GRIA4: variants seen among roughly 807,000 people sequenced by gnomAD.
GRIA4 encodes glutamate ionotropic receptor AMPA type subunit 4.
A neutral mutation model predicts 104.0 loss-of-function variants in GRIA4; 34 were observed. The ratio of observed to expected loss-of-function variants is 0.33; its 90% confidence interval spans 0.25 to 0.44. The LOEUF is 0.44. Among genes scored for constraint, GRIA4 ranks in the 20% least tolerant of loss-of-function variants. The probability of loss-of-function intolerance (pLI) is 1.00; values close to 1 mark genes in which losing one functional copy is unlikely to be tolerated. For synonymous variants in GRIA4, 386 were observed against 381.9 expected, an observed-to-expected ratio of 1.01 and a Z score of -0.13; for missense variants, 750 against 1,096.5, an observed-to-expected ratio of 0.68 and a Z score of 4.46.
intron 3 of GRIA4, among the ~76,000 whole-genome samples, chr11:105,676,511 T>C (rs1952541870): frequency 1.4e-4 from 2 of 14,404 alleles, no homozygotes; most frequent in African/African-American, 2.6e-4. Flanking sequence ...ATCTTATATG[T>C]TAAAAATTAT....
chr11:105,706,093 A>G (rs1953688405), intron 3 of GRIA4, among the ~76,000 whole-genome samples: 1 of 152,230 alleles, frequency 6.6e-6, no homozygotes, highest in African/African-American at 2.4e-5. Flanking sequence ...ATAAACTAAT[A>G]CAGAGTAATA....
chr11:105,954,907 A>C, intron 14 of GRIA4, among the ~76,000 whole-genome samples: 1 of 58,496 alleles, frequency 1.7e-5, no homozygotes, highest in East Asian at 5.1e-4. Context: ...TATTGCTTTC[A>C]ATTTATATAT....
At chr11:105,788,430 A>T (rs1942069291) in intron 4 of GRIA4, among the ~76,000 whole-genome samples, 1 of 152,178 alleles carries the variant, frequency 6.6e-6, no homozygotes, top group Non-Finnish European at 1.5e-5. Context: ...TATTAATAAG[A>T]CAGCTGCAAC....
chr11:105,878,895 G>A (rs1945940182), intron 5 of GRIA4, among the ~76,000 whole-genome samples: 1 of 152,178 alleles, frequency 6.6e-6, no homozygotes, highest in Non-Finnish European at 1.5e-5. Context: ...TTCCAGAGGA[G>A]TAAATGGTTC....
intron 3 of GRIA4, among the ~76,000 whole-genome samples, chr11:105,727,899 C>T (rs919239224): frequency 6.6e-6 from 1 of 152,124 alleles, no homozygotes; most frequent in Non-Finnish European, 1.5e-5. Flanking sequence ...AAAGGAAAAA[C>T]CAGTACCAGC....
At chr11:105,794,473 GTA>G (rs71041629) in intron 4 of GRIA4, among the ~76,000 whole-genome samples, 3,748 of 43,836 alleles carry the variant, frequency 0.086, 127 homozygotes, top group South Asian at 0.13. Context: ...GTATATGTAT[GTA>G]TATATATATA....
intron 16 of GRIA4, among the ~76,000 whole-genome samples, chr11:105,978,781 G>A (rs1259675887): frequency 1.3e-5 from 2 of 152,248 alleles, no homozygotes; most frequent in Admixed American, 1.3e-4. Flanking sequence ...TGAATGAACA[G>A]TAATGAGACT....
chr11:105,708,789 C>A (rs1953801947), intron 3 of GRIA4, among the ~76,000 whole-genome samples: 1 of 151,730 alleles, frequency 6.6e-6, no homozygotes, highest in Non-Finnish European at 1.5e-5. Context: ...AATAAGCACT[C>A]CTGTGTTGGG....
At chr11:105,756,592 T>A (rs1178344064) in intron 4 of GRIA4, among the ~76,000 whole-genome samples, 1 of 151,914 alleles carries the variant, frequency 6.6e-6, no homozygotes, top group Non-Finnish European at 1.5e-5. Context: ...TCTTTAATAT[T>A]TGACAGTACT....
chr11:105,690,230 C>A (rs533475501), intron 3 of GRIA4, among the ~76,000 whole-genome samples: 1 of 152,184 alleles, frequency 6.6e-6, no homozygotes, highest in Non-Finnish European at 1.5e-5. Flanking sequence ...ATTTCCATGG[C>A]AACTCTCACT....
At chr11:105,792,192 A>C in intron 4 of GRIA4, among the ~76,000 whole-genome samples, 1 of 152,188 alleles carries the variant, frequency 6.6e-6, no homozygotes, top group East Asian at 1.9e-4. Context: ...ACATAAAAGT[A>C]AACACCAGTT....
intron 3 of GRIA4, among the ~76,000 whole-genome samples, chr11:105,724,118 C>T (rs993914436): frequency 1.3e-5 from 2 of 151,988 alleles, no homozygotes; most frequent in Admixed American, 1.3e-4. Flanking sequence ...TCCCAAAGAA[C>T]TAAAACCAGA....
At chr11:105,747,721 TCAAAAC>T (rs1249448023) in intron 3 of GRIA4, among the ~76,000 whole-genome samples, 1 of 152,100 alleles carries the variant, frequency 6.6e-6, no homozygotes, top group Non-Finnish European at 1.5e-5. Flanking sequence ...GTGATATTGA[TCAAAAC>T]CAAAAAGATT....
At chr11:105,859,736 A>T (rs1945150192) in intron 4 of GRIA4, among the ~76,000 whole-genome samples, 1 of 152,180 alleles carries the variant, frequency 6.6e-6, no homozygotes, top group Admixed American at 6.6e-5. Flanking sequence ...AGCAAACAAA[A>T]AAAATCTTAG....
At chr11:105,674,587 T>G (rs1286225017) in intron 3 of GRIA4, among the ~76,000 whole-genome samples, 1 of 151,902 alleles carries the variant, frequency 6.6e-6, no homozygotes, top group Non-Finnish European at 1.5e-5. Context: ...TGACTTCCAT[T>G]TACCCGAAAA....
chr11:105,679,674 A>G (rs1425937567), intron 3 of GRIA4, among the ~76,000 whole-genome samples: 1 of 152,164 alleles, frequency 6.6e-6, no homozygotes, highest in Non-Finnish European at 1.5e-5. Flanking sequence ...GAGAATAAGA[A>G]CAGGAAAAAA....
rs663379 is a variant in GRIA4, at chr11:105,889,160, G to A, written c.726+1588G>A. Among the ~76,000 whole-genome samples the A allele has an allele frequency of 8.6e-3, 1,315 of 152,132 alleles. 21 individuals are homozygous for A. Among genetic ancestry groups the A allele is most frequent in the African/African-American group, 0.03 (1,225 of 41,488 alleles). ...TTCCAGAAATGAGTTGCTGACATTG[G>A]CAATTAAAATAAATAAATCAATACA... On this transcript the variant is annotated intron_variant, in intron 6 of 16. Transcript: ENST00000282499.
intron 4 of GRIA4, among the ~76,000 whole-genome samples, chr11:105,821,421 T>C: frequency 6.6e-6 from 1 of 152,030 alleles, no homozygotes; most frequent in Non-Finnish European, 1.5e-5. Context: ...TTCTACAGGC[T>C]GTACAGGAAG....
intron 4 of GRIA4, among the ~76,000 whole-genome samples, chr11:105,811,489 A>G (rs1034687614): frequency 6.6e-6 from 1 of 152,098 alleles, no homozygotes; most frequent in African/African-American, 2.4e-5. Context: ...CAGTGAACGA[A>G]GGGGTGACTG....
Sources: gnomAD v4.1 joint callset for allele counts (sites outside exome capture counted in the v4.1 genomes callset) on GRCh38, gnomAD v4.1.1 for gene constraint, MANE v1.5 for transcripts, NCBI Gene and HGNC (gene_info 2026-07-23, HGNC 2026-07-21) for gene names.